NPAS3: variants seen among roughly 807,000 people sequenced by gnomAD.
NPAS3 encodes neuronal PAS domain-containing protein 3.
NPAS3 carries 14 observed loss-of-function variants against 73.1 expected under a neutral mutation model. That is an observed-to-expected ratio of 0.19 (90% CI 0.13 to 0.30). The LOEUF (loss-of-function observed/expected upper bound fraction) is 0.30, where lower values mean the gene tolerates loss of function less well. NPAS3 is among the 10% of genes least tolerant of loss of function. The pLI, the probability that NPAS3 is intolerant of heterozygous loss-of-function variation, is 1.00. For synonymous variants in NPAS3, 620 were observed against 541.5 expected (o/e 1.14, Z -2.01); for missense variants, 1,096 against 1,250.0 (o/e 0.88, Z 1.86).
chr14:33,606,188 C>T (rs1288380404), intron 5 of NPAS3, among the ~76,000 whole-genome samples: 7 of 151,362 alleles, frequency 4.6e-5, no homozygotes, highest in Middle Eastern at 3.2e-3. Flanking sequence ...CGTCATTTAG[C>T]ATTAGGTATA....
At chr14:32,971,774 T>A (rs553797375) in intron 1 of NPAS3, among the ~76,000 whole-genome samples, 65 of 152,280 alleles carry the variant, frequency 4.3e-4, no homozygotes, top group African/African-American at 1.5e-3. Flanking sequence ...AAATCCATAA[T>A]CATGGTCTCC....
At chr14:33,062,311 A>T (rs1167124114) in intron 2 of NPAS3, among the ~76,000 whole-genome samples, 2 of 152,102 alleles carry the variant, frequency 1.3e-5, no homozygotes, top group East Asian at 3.9e-4. Context: ...GAAAAAAAAA[A>T]AGAAGGAATG....
chr14:33,573,392 G>GT (rs1337579571), intron 5 of NPAS3, among the ~76,000 whole-genome samples: 1 of 152,182 alleles, frequency 6.6e-6, no homozygotes, highest in East Asian at 1.9e-4. Flanking sequence ...TGACCTACAA[G>GT]TAGTAAGTCT....
chr14:33,158,850 A>C (rs2044743562), intron 2 of NPAS3, among the ~76,000 whole-genome samples: 1 of 152,108 alleles, frequency 6.6e-6, no homozygotes, highest in Admixed American at 6.5e-5. Context: ...TTCTTAGCTA[A>C]GGTTTTGATA....
chr14:33,093,046 G>C (rs1444362817), intron 2 of NPAS3, among the ~76,000 whole-genome samples: 1 of 152,186 alleles, frequency 6.6e-6, no homozygotes, highest in African/African-American at 2.4e-5. Context: ...TACCATTCAG[G>C]ACATAGGCAT....
chr14:33,650,245 A>G (rs1382636370), intron 5 of NPAS3, among the ~76,000 whole-genome samples: 3 of 152,232 alleles, frequency 2.0e-5, no homozygotes, highest in Non-Finnish European at 4.4e-5. Flanking sequence ...GGTAAGGAAT[A>G]TGCTACCTTA....
chr14:33,236,668 C>T (rs927263186), intron 3 of NPAS3, among the ~76,000 whole-genome samples: 1 of 152,124 alleles, frequency 6.6e-6, no homozygotes, highest in Non-Finnish European at 1.5e-5. Context: ...TTGAAGTCAA[C>T]TCCCTGTGAC....
rs370861856 is a variant in NPAS3 at position 33,385,894 on chromosome 14, C to T, written c.468+18626C>T. Among the ~76,000 whole-genome samples, 33 of 152,256 alleles carry T rather than the reference C, an allele frequency of 2.2e-4. No homozygotes were observed. The South Asian group carries it at 3.1e-3, about 14-fold the overall frequency. Reference sequence around the variant, plus strand: ...CTAAGACAGCTGTCAAAATCACTGACGCTGGCCTTATGAAAGCTAATTTTC... The same window carrying T: ...CTAAGACAGCTGTCAAAATCACTGATGCTGGCCTTATGAAAGCTAATTTTC... On this transcript the variant is annotated intron_variant, in intron 4 of 11. Transcript: ENST00000356141.
intron 5 of NPAS3, among the ~76,000 whole-genome samples, chr14:33,643,375 T>TTAAAAAAAAAAA (rs1555427000): frequency 1.1e-5 from 1 of 94,666 alleles, no homozygotes; most frequent in Admixed American, 1.2e-4. Context: ...AAATAAAAAT[T>TTAAAAAAAAAAA]AAAAAAAAAA....
At position 33,399,359 on chromosome 14, in the gene NPAS3, T is replaced by G. The variant is rs536263393; in HGVS notation, c.468+32091T>G. Among the ~76,000 whole-genome samples, 6 of 152,140 alleles carry G rather than the reference T, an allele frequency of 3.9e-5. No individual in the cohort carries two copies. The East Asian group carries it at 1.2e-3, about 30-fold the overall frequency. ...TAAGGAACATGGAGTGCTTGCCTCT[T>G]CCGGTAGAACAAGGTAAGGCAGATG... is the stretch of plus-strand genomic sequence containing the variant. On this transcript the variant is annotated intron_variant, in intron 4 of 11. Coordinates refer to ENST00000356141, the Ensembl canonical transcript of NPAS3.
In NPAS3 at chr14:33,620,977, T is replaced by C. The variant is rs921195670; in HGVS notation, c.559-55234T>C. Among the ~76,000 whole-genome samples, 6 of 152,280 alleles carry C rather than the reference T, an allele frequency of 3.9e-5. No individual in the cohort carries two copies. The East Asian group carries it at 5.8e-4, about 15-fold the overall frequency. On this transcript the variant is annotated intron_variant, in intron 5 of 11. Coordinates refer to ENST00000356141, the Ensembl canonical transcript of NPAS3. Reference sequence around the variant, plus strand: ...AGATATGAAAATGCTTTACCATTAGTAAAAAGTTTGTACATGTATGTCGTT... The same window carrying C: ...AGATATGAAAATGCTTTACCATTAGCAAAAAGTTTGTACATGTATGTCGTT...
intron 1 of NPAS3, among the ~76,000 whole-genome samples, chr14:33,019,495 G>C (rs551941994): frequency 1.3e-5 from 2 of 152,116 alleles, no homozygotes; most frequent in South Asian, 4.1e-4. Context: ...AAAAAAAACC[G>C]GGGATGGTTT....
At chr14:33,610,750 C>T (rs759294430) in intron 5 of NPAS3, among the ~76,000 whole-genome samples, 2 of 152,082 alleles carry the variant, frequency 1.3e-5, no homozygotes, top group Non-Finnish European at 2.9e-5. Context: ...CATTTGATTA[C>T]TGGGGTTAGT....
chr14:33,624,098 T>C (rs888475994), intron 5 of NPAS3, among the ~76,000 whole-genome samples: 1 of 152,174 alleles, frequency 6.6e-6, no homozygotes, highest in African/African-American at 2.4e-5. Flanking sequence ...TAAACCACTT[T>C]CTGACTTTAT....
chr14:33,559,262 G>T (rs963569631), intron 4 of NPAS3, among the ~76,000 whole-genome samples: 1 of 152,160 alleles, frequency 6.6e-6, no homozygotes, highest in Non-Finnish European at 1.5e-5. Context: ...ATTACAGTTT[G>T]TAAGATTGCA....
intron 3 of NPAS3, among the ~76,000 whole-genome samples, chr14:33,264,825 A>T (rs1234097074): frequency 6.6e-6 from 1 of 152,184 alleles, no homozygotes; most frequent in African/African-American, 2.4e-5. Flanking sequence ...TCATCAGGGC[A>T]GTCTTGGTCT....
intron 5 of NPAS3, among the ~76,000 whole-genome samples, chr14:33,591,782 G>A (rs1457558268): frequency 6.6e-6 from 1 of 152,140 alleles, no homozygotes; most frequent in Admixed American, 6.5e-5. Context: ...TTTTCTTCTT[G>A]AGGGAAACGT....
At chr14:33,658,797 A>T (rs557369575) in intron 5 of NPAS3, among the ~76,000 whole-genome samples, 5 of 152,282 alleles carry the variant, frequency 3.3e-5, no homozygotes, top group African/African-American at 1.2e-4. Context: ...ACCCATCTTC[A>T]TCCCCCACTA....
rs1223339777 is a variant in NPAS3 at position 33,152,535 on chromosome 14, GAAAGGGTATATGA to G, written c.141-62642_141-62630del. On this transcript the variant is annotated intron_variant, in intron 2 of 11. Transcript: ENST00000356141. The stretch of plus-strand genomic sequence containing the variant: ...CGCACATTCTCTGGTAGTTTGCTGG[GAAAGGGTATATGA>G]AAAGTAGATTTGGAGGGGATTTAAT... Among the ~76,000 whole-genome samples, 12 of 152,194 alleles carry G rather than the reference GAAAGGGTATATGA, an allele frequency of 7.9e-5. No homozygotes were observed. The East Asian group carries it at 2.3e-3, about 29-fold the overall frequency.
Sources: allele counts gnomAD v4.1 joint callset (sites outside exome capture counted in the v4.1 genomes callset), GRCh38; gene constraint gnomAD v4.1.1; transcripts MANE v1.5; gene names NCBI Gene and HGNC (gene_info 2026-07-23, HGNC 2026-07-21).